Variants in SAMD5 observed in about 807,000 individuals in gnomAD.
SAMD5 encodes the protein sterile alpha motif domain-containing protein 5.
SAMD5 carries 13 observed loss-of-function variants against 11.3 expected under a neutral mutation model. The observed-to-expected ratio is 1.15, with a 90% confidence interval of 0.75 to 1.83. The LOEUF (loss-of-function observed/expected upper bound fraction) is 1.83. SAMD5 is among the 40% of genes most tolerant of loss of function. The pLI, the probability that SAMD5 is intolerant of heterozygous loss-of-function variation, is 0.00. For missense variants in SAMD5, 255 were observed against 239.1 expected, an observed-to-expected ratio of 1.07 and a Z score of -0.44; for synonymous variants, 129 against 111.3, an observed-to-expected ratio of 1.16 and a Z score of -1.00.
chr6:147,548,450 T>C (rs561922602), intron 1 of SAMD5, among the ~76,000 whole-genome samples: 1 of 152,236 alleles, frequency 6.6e-6, no homozygotes, highest in East Asian at 1.9e-4. Flanking sequence ...TACAGAATTA[T>C]GTGTTCCCTG....
At chr6:147,732,913 C>G (rs1184946567) in intron 1 of SAMD5, among the ~76,000 whole-genome samples, 3 of 152,170 alleles carry the variant, frequency 2.0e-5, no homozygotes, top group Admixed American at 6.5e-5. Flanking sequence ...ATACACAGAA[C>G]TGGTTGTAAA....
intron 1 of SAMD5, among the ~76,000 whole-genome samples, chr6:147,626,778 A>G (rs1372180904): frequency 3.0e-4 from 39 of 130,404 alleles, no homozygotes; most frequent in African/African-American, 1.1e-3. Flanking sequence ...ACATAACGAG[A>G]CACTGTTTCT....
chr6:147,619,104 T>C (rs1458441777), intron 1 of SAMD5, among the ~76,000 whole-genome samples: 1 of 152,204 alleles, frequency 6.6e-6, no homozygotes, highest in Non-Finnish European at 1.5e-5. Flanking sequence ...CCTGCTCTTG[T>C]GAAAAGCTGG....
the SAMD5 span, among the ~76,000 whole-genome samples, chr6:147,924,029 G>A: frequency 1.3e-5 from 2 of 152,314 alleles, no homozygotes; most frequent in Admixed American, 6.5e-5. Context: ...CCTTGCCAGT[G>A]GGGTGAGTCA....
At chr6:147,834,651 C>T in the SAMD5 span, among the ~76,000 whole-genome samples, 2 of 152,170 alleles carry the variant, frequency 1.3e-5, no homozygotes, top group Non-Finnish European at 2.9e-5. Context: ...CCGGGCTTAC[C>T]ACTGTATTTA....
chr6:147,767,093 A>G, the SAMD5 span, among the ~76,000 whole-genome samples: 2 of 152,218 alleles, frequency 1.3e-5, no homozygotes, highest in South Asian at 2.1e-4. Flanking sequence ...TTTAACCAAA[A>G]GTTGTTATGT....
rs17077296 is a variant in SAMD5 at position 147,737,447 on chromosome 6, A to T, written c.293A>T (p.Ter98LeuextTer33). ...TGTATTGACATTTCTTTGGACACAT[A>T]ATTTTGCCTCCATTGTGTGTTGTTT... Residue 98 changes from the stop codon to leucine, a stop_lost, in exon 2 of 2, where the codon TAA becomes TTA. Transcript: ENST00000566741. 1,672 of 813,192 alleles carry T rather than the reference A, an allele frequency of 2.1e-3. 25 individuals are homozygous for T. The African/African-American group carries it at 0.027, about 13-fold the overall frequency. 50.4% of individuals were successfully genotyped at this position (813,192 alleles called of 1,614,324 possible).
At chr6:147,951,248 C>T in the SAMD5 span, among the ~76,000 whole-genome samples, 276 of 151,246 alleles carry the variant, frequency 1.8e-3, 6 homozygotes, top group East Asian at 0.048. Context: ...GTGGCGCGAT[C>T]TCGGCTCACT....
chr6:147,565,464 G>GT lies in SAMD5; in HGVS notation c.*1021dup, dbSNP rs5880711. ...TCGTTCTTGTGTTTGGATGCTGGTA[G>GT]TTTTTTTTTTTTTAGACAGAGTCTC... On this transcript the variant is annotated 3_prime_UTR_variant, in exon 2 of 2. Coordinates refer to ENST00000367474, the MANE Select transcript of SAMD5 (RefSeq NM_001030060.3). 396,883 of 862,328 alleles carry GT rather than the reference G, an allele frequency of 0.46. 23,880 individuals carry two copies. The highest frequency in any genetic ancestry group is 0.58 in the East Asian group (4,677 of 8,114). The allele number at this position is 862,328 out of a possible 1,614,324, so 53.4% of individuals were successfully genotyped here.
At chr6:147,858,172 A>G in the SAMD5 span, among the ~76,000 whole-genome samples, 3 of 152,184 alleles carry the variant, frequency 2.0e-5, no homozygotes, top group East Asian at 3.9e-4. Flanking sequence ...GCCTCTGATC[A>G]TGGTGGTTTA....
the SAMD5 span, among the ~76,000 whole-genome samples, chr6:147,944,814 C>T: frequency 6.6e-6 from 1 of 152,206 alleles, no homozygotes; most frequent in South Asian, 2.1e-4. Flanking sequence ...GGGTTGACTC[C>T]TTCTGAGCAC....
chr6:147,535,942 A>T (rs565688029), intron 1 of SAMD5, among the ~76,000 whole-genome samples: 1 of 152,266 alleles, frequency 6.6e-6, no homozygotes, highest in Non-Finnish European at 1.5e-5. Context: ...TTGATTCTTT[A>T]AAGGAACCAT....
At chr6:147,874,317 G>T in the SAMD5 span, among the ~76,000 whole-genome samples, 2 of 152,134 alleles carry the variant, frequency 1.3e-5, no homozygotes, top group Admixed American at 6.5e-5. Context: ...TAGCTCTCTC[G>T]GGTAAAGGAA....
chr6:147,871,597 C>T, the SAMD5 span, among the ~76,000 whole-genome samples: 1 of 152,138 alleles, frequency 6.6e-6, no homozygotes, highest in African/African-American at 2.4e-5. Flanking sequence ...TTCACTTTAT[C>T]AGAATGGCAA....
intron 1 of SAMD5, among the ~76,000 whole-genome samples, chr6:147,521,903 G>T (rs1788260721): frequency 6.6e-6 from 1 of 151,964 alleles, no homozygotes; most frequent in South Asian, 2.1e-4. Context: ...AAAATAATTT[G>T]CTCAATTTGT....
At chr6:147,594,839 C>A (rs900416582) in intron 1 of SAMD5, among the ~76,000 whole-genome samples, 1 of 152,156 alleles carries the variant, frequency 6.6e-6, no homozygotes, top group Non-Finnish European at 1.5e-5. Flanking sequence ...GCCTCTGAAG[C>A]CTCACAGGAA....
At chr6:147,707,757 T>C (rs980790863) in intron 1 of SAMD5, among the ~76,000 whole-genome samples, 2 of 152,164 alleles carry the variant, frequency 1.3e-5, no homozygotes, top group Non-Finnish European at 2.9e-5. Context: ...ACTAAACAGA[T>C]ACTGAAGAAA....
chr6:147,935,864 T>A, the SAMD5 span, among the ~76,000 whole-genome samples: 2 of 152,196 alleles, frequency 1.3e-5, no homozygotes, highest in Non-Finnish European at 2.9e-5. Flanking sequence ...CATTAGTAAT[T>A]CTGGGGCTAA....
the SAMD5 span, among the ~76,000 whole-genome samples, chr6:147,826,938 C>T: frequency 6.6e-6 from 1 of 152,094 alleles, no homozygotes; most frequent in African/African-American, 2.4e-5. Flanking sequence ...TGCTCACGTC[C>T]TACAGAGGAG....
Sources: gnomAD v4.1 joint callset for allele counts (sites outside exome capture counted in the v4.1 genomes callset) on GRCh38, gnomAD v4.1.1 for gene constraint, MANE v1.5 for transcripts, NCBI Gene and HGNC (gene_info 2026-07-23, HGNC 2026-07-21) for gene names.